The following PROSER1 variants were observed in gnomAD, a reference collection of about 807,000 sequenced individuals.
PROSER1 encodes the protein proline and serine rich 1, also known as proline and serine-rich protein 1.
PROSER1 carries 36 observed loss-of-function variants against 71.8 expected under a neutral mutation model. That is an observed-to-expected ratio of 0.50 (90% CI 0.38 to 0.66). The LOEUF is 0.66. Among genes scored for constraint, PROSER1 ranks in the 30% least tolerant of loss-of-function variants. PROSER1 has a pLI of 0.00. For synonymous variants in PROSER1, 490 were observed against 452.4 expected (o/e 1.08, Z -1.06); for missense variants, 1,107 against 1,135.0 (o/e 0.98, Z 0.35).
intron 12 of PROSER1, 150 bp downstream of exon 12, chr13:39,011,931 GGA>G (rs368168766): frequency 6.3e-6 from 5 of 796,800 alleles, no homozygotes; most frequent in Middle Eastern, 3.8e-4. Context: ...TTGCAAATTT[GGA>G]GAGAAGTAAT....
intron 9 of PROSER1, among the ~76,000 whole-genome samples, chr13:39,018,259 G>A (rs1295051641): frequency 1.3e-5 from 2 of 152,052 alleles, no homozygotes; most frequent in African/African-American, 2.4e-5. Flanking sequence ...GGATACAAAG[G>A]GAGAAAAATT....
At chr13:39,031,469 T>C in intron 3 of PROSER1, 94 bp downstream of exon 3, 1 of 950,484 alleles carries the variant, frequency 1.1e-6, no homozygotes, top group Non-Finnish European at 1.6e-6. Context: ...GCTTTTCTAA[T>C]GCAAATAAAT....
At chr13:39,014,551 C>G in intron 10 of PROSER1, 75 bp from the exon 11 acceptor site, 1 of 1,080,490 alleles carries the variant, frequency 9.3e-7, no homozygotes, top group South Asian at 1.6e-5. Context: ...AAAAGCATAA[C>G]CATTTTTGTA....
intron 10 of PROSER1, among the ~76,000 whole-genome samples, chr13:39,015,987 T>C (rs1331330324): frequency 6.6e-6 from 1 of 152,194 alleles, no homozygotes; most frequent in Non-Finnish European, 1.5e-5. Context: ...GAAATCACTA[T>C]CTTATTTATT....
intron 10 of PROSER1, among the ~76,000 whole-genome samples, chr13:39,016,000 A>T (rs1299459849): frequency 6.6e-6 from 1 of 152,224 alleles, no homozygotes; most frequent in Non-Finnish European, 1.5e-5. Context: ...TATTTATTAA[A>T]CTATATGCTG....
At chr13:39,026,134 T>A in intron 6 of PROSER1, 143 bp downstream of exon 6, 1 of 566,372 alleles carries the variant, frequency 1.8e-6, no homozygotes, top group Non-Finnish European at 3.1e-6. Flanking sequence ...TTAATGAAGT[T>A]TAGACATGAA....
At position 39,028,614 on chromosome 13, in the gene PROSER1, T is replaced by C. The variant is rs139103838; in HGVS notation, c.276-294A>G. Among the ~76,000 whole-genome samples the C allele has an allele frequency of 4.3e-3, 650 of 152,302 alleles. 3 individuals carry two copies. The highest frequency in any genetic ancestry group is 6.1e-3 in the Non-Finnish European group (418 of 68,016). Reference sequence around the variant, plus strand: ...GTGATAGTTAGGAGAGCTATGCCAATAGAACCAACCCATGTGTTAAATGCA... The same window carrying C: ...GTGATAGTTAGGAGAGCTATGCCAACAGAACCAACCCATGTGTTAAATGCA... On this transcript the variant is annotated intron_variant, in intron 4 of 12. Transcript: ENST00000352251.
At chr13:39,025,889 T>C (rs1219500221) in intron 6 of PROSER1, among the ~76,000 whole-genome samples, 2 of 152,182 alleles carry the variant, frequency 1.3e-5, no homozygotes, top group Non-Finnish European at 2.9e-5. Flanking sequence ...ACAAGTTTCT[T>C]TTTTATAGTA....
Position 39,009,887 on chromosome 13 carries a change from G to T in PROSER1, c.*1478C>A, listed in dbSNP as rs1309985779. 6.6e-6 allele frequency: 1 copy of T among 152,466 alleles called. No homozygotes were observed. Among genetic ancestry groups the T allele is most frequent in the Non-Finnish European group, 1.5e-5 (1 of 67,994 alleles). 9.4% of individuals were successfully genotyped at this position (152,466 alleles called of 1,614,324 possible). ...ATATAATCTTAAAAGAAGTTTTATG[G>T]GTATAGATTTAAGAAAAACAAATGG... On this transcript the variant is annotated 3_prime_UTR_variant, in exon 13 of 13. Transcript: ENST00000352251.
At position 39,014,170 on chromosome 13, in the gene PROSER1, A is replaced by G. The variant is rs1441294777; in HGVS notation, c.1082T>C (p.Ile361Thr). 1.2e-6 allele frequency: 2 copies of G among 1,614,184 alleles called. No homozygotes were observed. The highest frequency in any genetic ancestry group is 1.7e-6 in the Non-Finnish European group (2 of 1,180,040). The change falls in exon 11 of 13, where the codon ATT becomes ACT. Residue 361 changes from isoleucine to threonine, a missense_variant. Transcript: ENST00000352251. ...TGGCAGTGACACTAGGCCAGAAAAA[A>G]TGGAAGGAACAGGAGTGGTGGTTGT... Reference protein sequence around the residue: ...HSTTTTPVPSIFSGLVSLPGP... With the variant: ...HSTTTTPVPSTFSGLVSLPGP...
rs146432560 is a variant in PROSER1, at chr13:39,037,088, T to C, written c.45+110A>G. ...ATTACACGTGAAAATTCAAACCAAT[T>C]TGGCAATCCTAGGACCCTTATTCTG... is the stretch of plus-strand genomic sequence containing the variant. On this transcript the variant is annotated intron_variant, in intron 1 of 12. Transcript: ENST00000352251. 337 of 773,232 alleles carry C rather than the reference T, an allele frequency of 4.4e-4. 1 individual carries two copies. The African/African-American group carries it at 5.3e-3, about 12-fold the overall frequency. The allele number at this position is 773,232 out of a possible 1,614,324, so 47.9% of individuals were successfully genotyped here. A position where few individuals can be genotyped will look rare whatever the true frequency, so the allele number is the denominator to read the frequency against.
chr13:39,019,017 T>C (rs960387119), intron 9 of PROSER1, among the ~76,000 whole-genome samples: 1 of 152,176 alleles, frequency 6.6e-6, no homozygotes, highest in African/African-American at 2.4e-5. Context: ...CACAACTCTA[T>C]ACATGTGTCC....
In PROSER1 at chr13:39,010,610, C is replaced by A. The variant is rs570383873; in HGVS notation, c.*755G>T. ...ATAGTACAGTAAGTAACAGAGGTGG[C>A]CCAAGAGTCAGTCAAGTGTTCTTCA... On this transcript the variant is annotated 3_prime_UTR_variant, in exon 13 of 13. Coordinates refer to ENST00000352251, the MANE Select transcript of PROSER1 (RefSeq NM_025138.5). The A allele has an allele frequency of 2.0e-5, 3 of 152,708 alleles. No homozygotes were observed. In the South Asian group the frequency reaches 6.2e-4, roughly 32 times the overall value. 9.5% of individuals were successfully genotyped at this position (152,708 alleles called of 1,614,324 possible). A position where few individuals can be genotyped will look rare whatever the true frequency, so the allele number is the denominator to read the frequency against.
At chr13:39,019,030 T>C (rs931250519) in intron 9 of PROSER1, among the ~76,000 whole-genome samples, 1 of 152,148 alleles carries the variant, frequency 6.6e-6, no homozygotes, top group African/African-American at 2.4e-5. Context: ...ATGTGTCCTT[T>C]CTGAAGTAAT....
intron 2 of PROSER1, among the ~76,000 whole-genome samples, 176 bp downstream of exon 2, chr13:39,033,955 C>T (rs1460105868): frequency 6.6e-6 from 1 of 152,044 alleles, no homozygotes; most frequent in African/African-American, 2.4e-5. Flanking sequence ...TGGAGAGGTG[C>T]TTAGTCCCTG....
intron 2 of PROSER1, among the ~76,000 whole-genome samples, chr13:39,032,965 G>A (rs1870926603): frequency 6.7e-6 from 1 of 149,928 alleles, no homozygotes; most frequent in South Asian, 2.1e-4. Flanking sequence ...CTGTTAGCCA[G>A]GCTGGAGCGC....
intron 3 of PROSER1, among the ~76,000 whole-genome samples, chr13:39,030,258 G>T (rs1446872747): frequency 6.6e-6 from 1 of 152,118 alleles, no homozygotes; most frequent in Non-Finnish European, 1.5e-5. Flanking sequence ...AAAGAACTTT[G>T]AAACTACTAA....
chr13:39,017,535 T>C lies in PROSER1; in HGVS notation c.740A>G (p.Asp247Gly), dbSNP rs748568471. ...TPNPVGTENE[D>G]LSNPSKPIQN... ...TATAGGTTTTGACGGATTCGAAAGG[T>C]CTTCATTCTCTATATAAAAATAAAT... Residue 247 changes from aspartate to glycine, a missense_variant, in exon 10 of 13, where the codon GAC (aspartate) becomes GGC (glycine). Asp to Gly is a moderately conservative substitution (Grantham distance 94). Coordinates refer to ENST00000352251, the MANE Select transcript of PROSER1 (RefSeq NM_025138.5). 1.3e-5 allele frequency: 19 copies of C among 1,496,948 alleles called. No homozygotes were observed. The Middle Eastern group carries it at 7.0e-4, about 55-fold the overall frequency. The allele number at this position is 1,496,948 out of a possible 1,614,324, so 92.7% of individuals were successfully genotyped here.
chr13:39,017,950 AT>A (rs1482699488), intron 9 of PROSER1: 1 of 162,944 alleles, frequency 6.1e-6, no homozygotes, highest in Non-Finnish European at 1.3e-5. Context: ...GACCACTATC[AT>A]TGGCTGACCT....
Sources: allele counts gnomAD v4.1 joint callset (sites outside exome capture counted in the v4.1 genomes callset), GRCh38; gene constraint gnomAD v4.1.1; transcripts MANE v1.5; gene names NCBI Gene and HGNC (gene_info 2026-07-23, HGNC 2026-07-21).